Variants in AOPEP observed in about 807,000 individuals in gnomAD.
The protein encoded by AOPEP is aminopeptidase O (putative).
AOPEP carries 77 observed loss-of-function variants against 98.1 expected under a neutral mutation model. That is an observed-to-expected ratio of 0.78 (90% CI 0.65 to 0.95). The LOEUF is 0.95. Ranked by LOEUF, AOPEP falls within the 40% of genes least tolerant of loss-of-function variation. AOPEP has a pLI of 0.00. For missense variants in AOPEP, 1,024 were observed against 1,024.7 expected (o/e 1.00, Z 0.01); for synonymous variants, 346 against 365.3 (o/e 0.95, Z 0.60).
At chr9:95,067,615 T>C (rs2068046315) in intron 14 of AOPEP, among the ~76,000 whole-genome samples, 1 of 152,206 alleles carries the variant, frequency 6.6e-6, no homozygotes, top group African/African-American at 2.4e-5. Flanking sequence ...CTGTGTAGAA[T>C]AGTACCCTTC....
intron 13 of AOPEP, among the ~76,000 whole-genome samples, chr9:95,054,491 T>G (rs1273240697): frequency 6.6e-6 from 1 of 152,244 alleles, no homozygotes; most frequent in African/African-American, 2.4e-5. Context: ...TAGTGTATGC[T>G]TTTAACAAGA....
At chr9:95,010,984 TAATA>T (rs141442828) in intron 13 of AOPEP, among the ~76,000 whole-genome samples, 8,058 of 152,306 alleles carry the variant, frequency 0.053, 279 homozygotes, top group South Asian at 0.11. Flanking sequence ...TGTAAATCCC[TAATA>T]AATAATGTAT....
At chr9:95,041,442 T>TA (rs2065281675) in intron 13 of AOPEP, among the ~76,000 whole-genome samples, 2 of 147,136 alleles carry the variant, frequency 1.4e-5, no homozygotes, top group Non-Finnish European at 3.0e-5. Context: ...TCAGAGTCCT[T>TA]GGGGGTGTGT....
chr9:94,945,206 G>A (rs1033359055), intron 7 of AOPEP, among the ~76,000 whole-genome samples: 5 of 152,158 alleles, frequency 3.3e-5, no homozygotes, highest in African/African-American at 1.2e-4. Context: ...AAGATTGTGT[G>A]TTTTATCCAT....
At chr9:94,804,805 A>G (rs759039565) in intron 5 of AOPEP, among the ~76,000 whole-genome samples, 5 of 152,258 alleles carry the variant, frequency 3.3e-5, no homozygotes, top group Non-Finnish European at 7.3e-5. Context: ...GATGTATGCT[A>G]TGAAGAAAAT....
intron 5 of AOPEP, among the ~76,000 whole-genome samples, chr9:94,888,294 C>CGTGTGTGT (rs59342995): frequency 0.37 from 51,357 of 137,338 alleles, 10,257 homozygotes; most frequent in Non-Finnish European, 0.44. Flanking sequence ...AGAACCTTAC[C>CGTGTGTGT]GTGTGTGTGT....
chr9:95,088,217 C>T (rs529171487), downstream of AOPEP, among the ~76,000 whole-genome samples: 153 of 151,300 alleles, frequency 1.0e-3, no homozygotes, highest in African/African-American at 3.5e-3. Flanking sequence ...TTTTTTCCTT[C>T]CTTTCTTTTT....
At chr9:95,119,015 G>A in the AOPEP span, among the ~76,000 whole-genome samples, 103 of 152,036 alleles carry the variant, frequency 6.8e-4, no homozygotes, top group Non-Finnish European at 1.3e-3. Context: ...ACCATCTTAC[G>A]CCCACCAGCA....
At chr9:95,123,369 G>A in the AOPEP span, 1 of 392,802 alleles carries the variant, frequency 2.5e-6, no homozygotes, top group South Asian at 1.9e-5. Flanking sequence ...GCTGGGTGTG[G>A]TGGCTCACAC....
chr9:94,909,887 G>C (rs16911824), intron 5 of AOPEP, among the ~76,000 whole-genome samples: 40,745 of 151,998 alleles, frequency 0.27, 6,027 homozygotes, highest in South Asian at 0.42. Context: ...GCTGCAGCTC[G>C]CTGGGTCTTG....
At position 94,898,815 on chromosome 9, in the gene AOPEP, C is replaced by T. The variant is rs145230890; in HGVS notation, c.1365-25171C>T. Reference sequence around the variant, plus strand: ...AAAATTAGCAGGGCGTGGTGGCAGGCGCTTGTAGTCCCAGCTACTCAGGAG... The same window carrying T: ...AAAATTAGCAGGGCGTGGTGGCAGGTGCTTGTAGTCCCAGCTACTCAGGAG... On this transcript the variant is annotated intron_variant, in intron 5 of 16. Coordinates refer to ENST00000375315, the MANE Select transcript of AOPEP (RefSeq NM_001193329.3). Among the ~76,000 whole-genome samples, 787 of 151,086 alleles carry T rather than the reference C, an allele frequency of 5.2e-3. 12 individuals carry two copies. Among genetic ancestry groups the T allele is most frequent in the South Asian group, 0.044 (210 of 4,770 alleles).
intron 13 of AOPEP, among the ~76,000 whole-genome samples, chr9:95,036,839 A>G (rs543153860): frequency 6.6e-6 from 1 of 151,908 alleles, no homozygotes; most frequent in African/African-American, 2.4e-5. Flanking sequence ...GTTTTTAGAG[A>G]TCTTTTCATC....
At chr9:94,990,537 A>C (rs993562613) in intron 11 of AOPEP, among the ~76,000 whole-genome samples, 2 of 152,046 alleles carry the variant, frequency 1.3e-5, no homozygotes, top group African/African-American at 4.8e-5. Context: ...TTTAAGAAAA[A>C]CTGCCCCCAT....
chr9:94,879,220 C>T (rs1044759793), intron 5 of AOPEP, among the ~76,000 whole-genome samples: 4 of 152,182 alleles, frequency 2.6e-5, no homozygotes, highest in African/African-American at 7.2e-5. Flanking sequence ...CCTAAAAAGG[C>T]CGTCTAGTAC....
intron 9 of AOPEP, among the ~76,000 whole-genome samples, chr9:94,958,819 ATGTTTTG>A (rs1234461980): frequency 6.6e-6 from 1 of 152,058 alleles, no homozygotes; most frequent in Non-Finnish European, 1.5e-5. Flanking sequence ...GTTTTATTTT[ATGTTTTG>A]TGTTTTTACT....
At chr9:95,120,210 G>A in the AOPEP span, among the ~76,000 whole-genome samples, 1 of 152,140 alleles carries the variant, frequency 6.6e-6, no homozygotes, top group Non-Finnish European at 1.5e-5. Flanking sequence ...GGTAATGTTT[G>A]AGGTTCATTT....
At chr9:94,750,643 A>G (rs1473848935) in intron 1 of AOPEP, among the ~76,000 whole-genome samples, 1 of 151,648 alleles carries the variant, frequency 6.6e-6, no homozygotes, top group African/African-American at 2.4e-5. Context: ...GTTTTAACCC[A>G]TTTATGCTTA....
chr9:95,071,451 T>C (rs550283910), intron 14 of AOPEP, among the ~76,000 whole-genome samples: 3 of 152,260 alleles, frequency 2.0e-5, no homozygotes, highest in South Asian at 2.1e-4. Context: ...GGGTTCCGTA[T>C]TTATGTATAG....
Position 94,792,904 on chromosome 9 carries a change from T to A in AOPEP, c.1104T>A (p.Ser368=). ...CAACAGAGAGACCCTTCTCACCTTCTGAGGCCAACTTCAGGTTTGTGTTTG... is the reference window on the plus strand; with the variant it reads ...CAACAGAGAGACCCTTCTCACCTTCAGAGGCCAACTTCAGGTTTGTGTTTG... ...DLATERPFSP[S]EANFRHVGVC... Residue 368 remains serine (S), a synonymous_variant, in exon 4 of 17, where the codon TCT becomes TCA. Transcript: ENST00000375315. The A allele has an allele frequency of 6.2e-7, 1 of 1,607,778 alleles. No homozygotes were observed. The highest frequency in any genetic ancestry group is 8.5e-7 in the Non-Finnish European group (1 of 1,176,970).
Sources: gnomAD v4.1 joint callset for allele counts (sites outside exome capture counted in the v4.1 genomes callset) on GRCh38, gnomAD v4.1.1 for gene constraint, MANE v1.5 for transcripts, NCBI Gene and HGNC (gene_info 2026-07-23, HGNC 2026-07-21) for gene names.